Variants in TMPRSS15 observed in about 807,000 individuals in gnomAD.
TMPRSS15 encodes the protein transmembrane serine protease 15, also known as enteropeptidase.
A neutral mutation model predicts 125.3 loss-of-function variants in TMPRSS15; 128 were observed. The ratio of observed to expected loss-of-function variants is 1.02; its 90% CI spans 0.89 to 1.18. The LOEUF is 1.18. Among genes scored for constraint, TMPRSS15 ranks in the 50% most tolerant of loss-of-function variants. TMPRSS15 has a pLI of 0.00. For missense variants in TMPRSS15, 1,283 were observed against 1,212.7 expected, an observed-to-expected ratio of 1.06 and a Z score of -0.86; for synonymous variants, 446 against 423.2, an observed-to-expected ratio of 1.05 and a Z score of -0.66.
intron 1 of TMPRSS15, among the ~76,000 whole-genome samples, chr21:18,485,106 G>T (rs1356535291): frequency 6.6e-5 from 10 of 151,410 alleles, no homozygotes. Context: ...TGATCTTTTT[G>T]GTGTTTGTTG....
chr21:18,313,143 C>T (rs1482674432), intron 17 of TMPRSS15, 66 bp from the exon 18 acceptor site: 3 of 1,135,310 alleles, frequency 2.6e-6, no homozygotes, highest in East Asian at 4.7e-5. Flanking sequence ...GGGAAGACAT[C>T]GTTCAAAGAG....
intron 1 of TMPRSS15, among the ~76,000 whole-genome samples, chr21:18,457,903 A>T (rs1978473074): frequency 6.6e-6 from 1 of 152,158 alleles, no homozygotes; most frequent in Admixed American, 6.6e-5. Context: ...TAACCAACTG[A>T]TTTTGGGAGC....
At chr21:18,274,363 C>A (rs983787836) in intron 24 of TMPRSS15, among the ~76,000 whole-genome samples, 2 of 152,098 alleles carry the variant, frequency 1.3e-5, no homozygotes, top group Admixed American at 1.3e-4. Flanking sequence ...CCATGCTGTA[C>A]CTAAAAATTA....
At chr21:18,451,016 C>T (rs1468397927) in intron 1 of TMPRSS15, among the ~76,000 whole-genome samples, 1 of 150,756 alleles carries the variant, frequency 6.6e-6, no homozygotes, top group African/African-American at 2.4e-5. Context: ...CACAATTAAT[C>T]ACTGGCCAAG....
intron 1 of TMPRSS15, among the ~76,000 whole-genome samples, chr21:18,452,651 A>G (rs1413318108): frequency 6.6e-6 from 1 of 152,200 alleles, no homozygotes; most frequent in East Asian, 1.9e-4. Flanking sequence ...AGCCTGTCTC[A>G]AGAAAAACAA....
intron 1 of TMPRSS15, among the ~76,000 whole-genome samples, chr21:18,433,052 A>G (rs2076219663): frequency 3.3e-5 from 5 of 152,196 alleles, no homozygotes; most frequent in Admixed American, 3.3e-4. Flanking sequence ...AACATGGTGA[A>G]AAATCCCAAT....
chr21:18,372,466 T>A (rs1173663552), intron 5 of TMPRSS15, 142 bp from the exon 6 acceptor site: 2 of 800,804 alleles, frequency 2.5e-6, no homozygotes, highest in Non-Finnish European at 3.9e-6. Context: ...CATTTGCAAA[T>A]CAATCATTTG....
At chr21:18,477,407 C>T (rs1274226391) in intron 1 of TMPRSS15, 1 of 152,062 alleles carries the variant, frequency 6.6e-6, no homozygotes, top group Non-Finnish European at 1.5e-5. Flanking sequence ...TAGAAGTCAT[C>T]AAAGGCCATC....
In TMPRSS15 at chr21:18,398,985, C is replaced by T. The variant is rs1357045447; in HGVS notation, c.146-656G>A. Reference sequence around the variant, plus strand: ...AAAAAATGTAAAAAAAGAAGGTTAACGAATTAAATATAAACATGGATAATA... The same window carrying T: ...AAAAAATGTAAAAAAAGAAGGTTAATGAATTAAATATAAACATGGATAATA... On this transcript the variant is annotated intron_variant, in intron 1 of 24. Coordinates refer to ENST00000284885, the MANE Select transcript of TMPRSS15 (RefSeq NM_002772.3). Among the ~76,000 whole-genome samples the T allele has an allele frequency of 7.9e-5, 12 of 152,022 alleles. No homozygotes were observed. The South Asian group carries it at 1.9e-3, about 24-fold the overall frequency.
chr21:18,363,740 G>C (rs2075699393), intron 7 of TMPRSS15, among the ~76,000 whole-genome samples: 1 of 151,956 alleles, frequency 6.6e-6, no homozygotes, highest in Admixed American at 6.6e-5. Flanking sequence ...TTCTGCATCA[G>C]AAAAATGCTT....
intron 1 of TMPRSS15, among the ~76,000 whole-genome samples, chr21:18,437,770 A>T (rs995712765): frequency 2.0e-5 from 3 of 152,216 alleles, no homozygotes; most frequent in African/African-American, 4.8e-5. Flanking sequence ...TCAAAACCAC[A>T]ATGAGATACC....
At chr21:18,484,821 T>A (rs1979049021) in intron 1 of TMPRSS15, among the ~76,000 whole-genome samples, 1 of 151,906 alleles carries the variant, frequency 6.6e-6, no homozygotes, top group Admixed American at 6.6e-5. Flanking sequence ...TCTTAATTAC[T>A]ACAGGTTTAT....
chr21:18,282,097 C>CA (rs954911028), intron 21 of TMPRSS15, among the ~76,000 whole-genome samples: 3,717 of 24,758 alleles, frequency 0.15, 510 homozygotes, highest in Non-Finnish European at 0.25. Flanking sequence ...GACTCCGCCT[C>CA]AAAAAAAAAA....
chr21:18,328,385 GTA>G (rs1272205276), intron 15 of TMPRSS15, among the ~76,000 whole-genome samples: 1 of 152,124 alleles, frequency 6.6e-6, no homozygotes. Context: ...TAAAAATTTT[GTA>G]TAACACAATT....
upstream of TMPRSS15, among the ~76,000 whole-genome samples, chr21:18,408,768 T>C (rs2076158703): frequency 1.3e-5 from 2 of 152,154 alleles, no homozygotes; most frequent in African/African-American, 2.4e-5. Flanking sequence ...GTCTTTATCA[T>C]TGAGGATTCT....
intron 23 of TMPRSS15, among the ~76,000 whole-genome samples, chr21:18,277,348 A>C (rs2074634592): frequency 6.6e-6 from 1 of 152,156 alleles, no homozygotes; most frequent in African/African-American, 2.4e-5. Context: ...CCTATGAAAT[A>C]AAGAGTTTCA....
chr21:18,422,630 C>T (rs2076194693), intron 1 of TMPRSS15, among the ~76,000 whole-genome samples: 1 of 152,118 alleles, frequency 6.6e-6, no homozygotes, highest in African/African-American at 2.4e-5. Flanking sequence ...CAATTATTCC[C>T]ATTTATGAGA....
intron 1 of TMPRSS15, among the ~76,000 whole-genome samples, chr21:18,431,199 C>T (rs184616444): frequency 6.6e-6 from 1 of 152,216 alleles, no homozygotes; most frequent in East Asian, 1.9e-4. Context: ...TCCATCAAGG[C>T]TACAAATGTC....
intron 3 of TMPRSS15, among the ~76,000 whole-genome samples, chr21:18,396,983 A>G (rs987816373): frequency 2.0e-4 from 30 of 152,016 alleles, no homozygotes; most frequent in Admixed American, 1.3e-4. Context: ...TTAAATGTGA[A>G]TTATTGTGAA....
Sources: allele counts gnomAD v4.1 joint callset (sites outside exome capture counted in the v4.1 genomes callset), GRCh38; gene constraint gnomAD v4.1.1; transcripts MANE v1.5; gene names NCBI Gene and HGNC (gene_info 2026-07-23, HGNC 2026-07-21).